Variants in CDH4 observed in about 807,000 individuals in gnomAD.
The protein encoded by CDH4 is cadherin 4, also known as cadherin-4.
A neutral mutation model predicts 86.0 loss-of-function variants in CDH4; 33 were observed. The ratio of observed to expected loss-of-function variants is 0.38; its 90% CI spans 0.29 to 0.51. The LOEUF (loss-of-function observed/expected upper bound fraction) is 0.51, where lower values mean the gene tolerates loss of function less well. Ranked by LOEUF, CDH4 falls within the 20% of genes least tolerant of loss-of-function variation. CDH4 has a pLI of 0.86. For missense variants in CDH4, 1,114 were observed against 1,307.4 expected, an observed-to-expected ratio of 0.85 and a Z score of 2.28; for synonymous variants, 555 against 549.4, an observed-to-expected ratio of 1.01 and a Z score of -0.14.
chr20:61,552,166 G>A (rs1449498937), intron 2 of CDH4, among the ~76,000 whole-genome samples: 2 of 152,154 alleles, frequency 1.3e-5, no homozygotes, highest in African/African-American at 4.8e-5. Context: ...GTGTTTTAAA[G>A]GATACCATCA....
intron 2 of CDH4, among the ~76,000 whole-genome samples, chr20:61,538,496 T>C (rs916451236): frequency 6.6e-6 from 1 of 152,104 alleles, no homozygotes; most frequent in Non-Finnish European, 1.5e-5. Context: ...TTCCCTCCTC[T>C]CTCCTCCTAC....
chr20:61,851,502 C>G (rs1319590900), intron 5 of CDH4, among the ~76,000 whole-genome samples: 1 of 152,214 alleles, frequency 6.6e-6, no homozygotes, highest in Non-Finnish European at 1.5e-5. Flanking sequence ...GGAGACCCGT[C>G]TGGCATGGGG....
rs546415370 is a variant in CDH4, at chr20:61,776,567, G to A, written c.576+3385G>A. On this transcript the variant is annotated intron_variant, in intron 4 of 15. Transcript: ENST00000614565. ...TCGTCCAGCAGCCCCTGCAGGCAGG[G>A]TCACCTCCATGCCCAGAACGTCACT... Among the ~76,000 whole-genome samples the A allele has an allele frequency of 1.2e-4, 19 of 152,348 alleles. No individual in the cohort carries two copies. In the East Asian group the frequency reaches 3.7e-3, roughly 29 times the overall value.
rs1227185079 is a variant in CDH4 at position 61,873,709 on chromosome 20, G to C, written c.878-19G>C. ...TGTGTGGCAGGCCATCCCCATCTGA[G>C]CTGCTGTCTCCGTTCCAGGCACCTA... On this transcript the variant is annotated intron_variant, in intron 6 of 15. Transcript: ENST00000614565. The C allele has an allele frequency of 6.2e-7, 1 of 1,607,996 alleles. No individual in the cohort carries two copies. The highest frequency in any genetic ancestry group is 8.5e-7 in the Non-Finnish European group (1 of 1,177,938).
At chr20:61,526,922 G>A (rs1214058989) in intron 2 of CDH4, among the ~76,000 whole-genome samples, 2 of 152,132 alleles carry the variant, frequency 1.3e-5, no homozygotes, top group Admixed American at 6.5e-5. Context: ...ATGTTCTTTC[G>A]GAAAGCTTTT....
intron 2 of CDH4, among the ~76,000 whole-genome samples, chr20:61,730,011 A>C (rs2088159826): frequency 5.9e-5 from 9 of 152,194 alleles, no homozygotes; most frequent in Admixed American, 5.9e-4. Flanking sequence ...TTTTCAGAGC[A>C]GTTTTAGGTT....
chr20:61,590,085 G>C (rs1008150239), intron 2 of CDH4, among the ~76,000 whole-genome samples: 4 of 151,160 alleles, frequency 2.6e-5, no homozygotes, highest in African/African-American at 4.9e-5. Context: ...GCCTGTCCTT[G>C]TTATTTCAGG....
In CDH4 at chr20:61,537,917, C is replaced by T. The variant is rs528482308; in HGVS notation, c.170-205646C>T. 1.1e-4 allele frequency among the ~76,000 whole-genome samples: 16 copies of T among 152,304 alleles called. No homozygotes were observed. The South Asian group carries it at 2.3e-3, about 22-fold the overall frequency. ...TGGCCTGCTGTCTCCAGTTCCTCTCCGCAGTGTCTGCATCCCTGGGAACTA... is the reference window on the plus strand; with the variant it reads ...TGGCCTGCTGTCTCCAGTTCCTCTCTGCAGTGTCTGCATCCCTGGGAACTA... On this transcript the variant is annotated intron_variant, in intron 2 of 15. Transcript: ENST00000614565.
At chr20:61,304,097 T>G (rs1266341963) in intron 2 of CDH4, among the ~76,000 whole-genome samples, 2 of 152,118 alleles carry the variant, frequency 1.3e-5, no homozygotes, top group African/African-American at 4.8e-5. Context: ...TCCTGGGGCC[T>G]GGGAAGGAAA....
intron 4 of CDH4, among the ~76,000 whole-genome samples, chr20:61,812,695 C>A (rs913447900): frequency 7.2e-5 from 11 of 152,246 alleles, no homozygotes; most frequent in Non-Finnish European, 1.2e-4. Flanking sequence ...CCAGCCAACG[C>A]CCTTTGGGGA....
chr20:61,870,115 T>C (rs1033030226), intron 6 of CDH4, among the ~76,000 whole-genome samples: 3 of 152,182 alleles, frequency 2.0e-5, no homozygotes, highest in Non-Finnish European at 2.9e-5. Context: ...CTGGGCTGAC[T>C]CGCTGTCCCT....
At chr20:61,567,819 A>G (rs2086311613) in intron 2 of CDH4, among the ~76,000 whole-genome samples, 1 of 152,168 alleles carries the variant, frequency 6.6e-6, no homozygotes, top group East Asian at 1.9e-4. Context: ...CCGTATGTTA[A>G]AAAGTTAGCC....
intron 2 of CDH4, among the ~76,000 whole-genome samples, chr20:61,693,884 C>CTTTTTTTTTTTT (rs11479778): frequency 2.4e-5 from 2 of 82,700 alleles, no homozygotes; most frequent in Non-Finnish European, 4.3e-5. Context: ...CTCTTTCTTT[C>CTTTTTTTTTTTT]TTTTTTTTTT....
chr20:61,268,000 G>A (rs1187681450), intron 2 of CDH4, among the ~76,000 whole-genome samples: 1 of 152,232 alleles, frequency 6.6e-6, no homozygotes, highest in African/African-American at 2.4e-5. Context: ...CTTGCAGCCT[G>A]TGTTGCAGCG....
intron 6 of CDH4, among the ~76,000 whole-genome samples, chr20:61,869,701 A>G (rs751578362): frequency 1.7e-4 from 26 of 152,156 alleles, no homozygotes; most frequent in Non-Finnish European, 3.4e-4. Flanking sequence ...CAGGTCCCCA[A>G]GCCTCCAAGG....
At chr20:61,274,856 C>A (rs2084217699) in intron 2 of CDH4, among the ~76,000 whole-genome samples, 1 of 106,698 alleles carries the variant, frequency 9.4e-6, no homozygotes, top group Non-Finnish European at 1.8e-5. Flanking sequence ...GGGATTACTG[C>A]ATGCGGTTGT....
rs1190254080 is a variant in CDH4, at chr20:61,565,313, GTGGCGGTGCTCTTGGTGA to G, written c.170-178246_170-178229del. ...GATGGTGGTGGCGGTGCTCTTGGTG[GTGGCGGTGCTCTTGGTGA>G]TGGTGGTAGTGGTCCTCTTGGTGAT... On this transcript the variant is annotated intron_variant, in intron 2 of 15. Coordinates refer to ENST00000614565, the MANE Select transcript of CDH4 (RefSeq NM_001794.5). 2.5e-4 allele frequency among the ~76,000 whole-genome samples: 10 copies of G among 39,894 alleles called. 3 individuals are homozygous for G. The highest frequency in any genetic ancestry group is 2.4e-3 in the South Asian group (2 of 828). 26.2% of individuals were successfully genotyped at this position (39,894 alleles called of 152,430 possible). A position where few individuals can be genotyped will look rare whatever the true frequency, so the allele number is the denominator to read the frequency against.
chr20:61,440,792 GT>G (rs2085311097), intron 2 of CDH4, among the ~76,000 whole-genome samples: 2 of 152,220 alleles, frequency 1.3e-5, no homozygotes, highest in Non-Finnish European at 2.9e-5. Context: ...GATGCCTCTG[GT>G]TGTCATGGCG....
At chr20:61,406,888 C>T (rs1017908086) in intron 2 of CDH4, among the ~76,000 whole-genome samples, 22 of 150,246 alleles carry the variant, frequency 1.5e-4, no homozygotes, top group Admixed American at 3.3e-4. Flanking sequence ...ACCATCTGCT[C>T]TGCCCGGACC....
Sources: allele counts gnomAD v4.1 joint callset (sites outside exome capture counted in the v4.1 genomes callset), GRCh38; gene constraint gnomAD v4.1.1; transcripts MANE v1.5; gene names NCBI Gene and HGNC (gene_info 2026-07-23, HGNC 2026-07-21).